Variants in CRISP1 observed in about 807,000 individuals in gnomAD.
CRISP1 encodes cysteine-rich secretory protein 1.
A neutral mutation model predicts 33.1 loss-of-function variants in CRISP1; 44 were observed. That is an observed-to-expected ratio of 1.33 (90% CI 1.05 to 1.71). The LOEUF is 1.71. Among genes scored for constraint, CRISP1 ranks in the 40% most tolerant of loss-of-function variants. The pLI is 0.00. For missense variants in CRISP1, 390 were observed against 301.2 expected (o/e 1.29, Z -2.18); for synonymous variants, 103 against 98.7 (o/e 1.04, Z -0.26).
intron 1 of CRISP1, among the ~76,000 whole-genome samples, chr6:49,864,172 T>A (rs1771733997): frequency 6.6e-6 from 1 of 152,190 alleles, no homozygotes; most frequent in African/African-American, 2.4e-5. Context: ...TTTTCACTAC[T>A]CATTATTATA....
chr6:49,842,451 T>A (rs1416086636), intron 5 of CRISP1, among the ~76,000 whole-genome samples: 1 of 152,070 alleles, frequency 6.6e-6, no homozygotes, highest in Non-Finnish European at 1.5e-5. Context: ...AAATGAAACT[T>A]TTTTCATTAG....
upstream of CRISP1, among the ~76,000 whole-genome samples, chr6:49,870,256 A>G (rs576358893): frequency 1.8e-4 from 27 of 152,340 alleles, no homozygotes; most frequent in African/African-American, 6.3e-4. Context: ...TGTGTCAGCT[A>G]GGATGCCAAC....
chr6:49,866,858 T>G (rs1318807303), upstream of CRISP1, among the ~76,000 whole-genome samples: 2 of 152,134 alleles, frequency 1.3e-5, no homozygotes, highest in African/African-American at 4.8e-5. Context: ...TAATTATTTA[T>G]TGAGGTCTTA....
At chr6:49,848,902 C>G (rs560829866) in intron 3 of CRISP1, among the ~76,000 whole-genome samples, 2 of 149,278 alleles carry the variant, frequency 1.3e-5, no homozygotes, top group South Asian at 2.1e-4. Flanking sequence ...CATGGCAACT[C>G]TACAAAAAAA....
chr6:49,848,547 G>A (rs1335898274), intron 3 of CRISP1, among the ~76,000 whole-genome samples: 1 of 152,152 alleles, frequency 6.6e-6, no homozygotes, highest in African/African-American at 2.4e-5. Flanking sequence ...TCTCTCAGAT[G>A]TAGTAGAGAA....
intron 5 of CRISP1, among the ~76,000 whole-genome samples, chr6:49,844,985 T>C (rs1014628202): frequency 2.0e-5 from 3 of 152,122 alleles, no homozygotes; most frequent in African/African-American, 7.2e-5. Flanking sequence ...AATTAAGAAT[T>C]TGAGGGCTCT....
intron 6 of CRISP1, 141 bp from the exon 7 acceptor site, chr6:49,838,666 G>A: frequency 1.7e-6 from 1 of 601,674 alleles, no homozygotes; most frequent in Non-Finnish European, 2.9e-6. Context: ...AGATGGGTGT[G>A]AGATTTCCAA....
chr6:49,874,467 AC>A (rs1339299552), intron 1 of CRISP1, among the ~76,000 whole-genome samples: 2 of 152,208 alleles, frequency 1.3e-5, no homozygotes, highest in South Asian at 4.1e-4. Flanking sequence ...GTTAGAAGTA[AC>A]TTTCCTCCTG....
chr6:49,876,046 G>T (rs1252367350), intron 1 of CRISP1, among the ~76,000 whole-genome samples: 1 of 151,986 alleles, frequency 6.6e-6, no homozygotes, highest in Admixed American at 6.6e-5. Flanking sequence ...ATAGACAAAT[G>T]GGATCTAATT....
intron 5 of CRISP1, among the ~76,000 whole-genome samples, chr6:49,845,893 TATTGTATGTTTCCAA>T (rs1402251054): frequency 6.6e-6 from 1 of 152,052 alleles, no homozygotes; most frequent in Non-Finnish European, 1.5e-5. Context: ...AAAGGACAAA[TATTGTATGTTTCCAA>T]ATTTATGAGG....
intron 5 of CRISP1, among the ~76,000 whole-genome samples, chr6:49,842,783 A>G (rs974054960): frequency 6.6e-6 from 1 of 152,164 alleles, no homozygotes; most frequent in African/African-American, 2.4e-5. Flanking sequence ...AGCTGTGTAA[A>G]GACCACTTGA....
chr6:49,855,577 T>C (rs1261057284), intron 2 of CRISP1, among the ~76,000 whole-genome samples: 1 of 152,158 alleles, frequency 6.6e-6, no homozygotes, highest in Non-Finnish European at 1.5e-5. Flanking sequence ...GTATACCGTG[T>C]GCTCAGATAA....
chr6:49,863,004 A>G (rs1299073215), intron 1 of CRISP1, among the ~76,000 whole-genome samples: 2 of 152,194 alleles, frequency 1.3e-5, no homozygotes, highest in Non-Finnish European at 2.9e-5. Context: ...CCCCAGAATT[A>G]TAATAGTACA....
intron 3 of CRISP1, among the ~76,000 whole-genome samples, chr6:49,849,852 A>G (rs1259656484): frequency 1.3e-5 from 2 of 151,876 alleles, no homozygotes; most frequent in African/African-American, 4.8e-5. Context: ...GGGTAAAACC[A>G]TGGTTTTGTA....
chr6:49,837,686 A>G (rs746982277), intron 7 of CRISP1, among the ~76,000 whole-genome samples: 1 of 152,150 alleles, frequency 6.6e-6, no homozygotes, highest in African/African-American at 2.4e-5. Context: ...GTGGCCTTTC[A>G]AGTCGGAGGT....
chr6:49,868,959 CCT>C (rs1217044138), upstream of CRISP1, among the ~76,000 whole-genome samples: 1 of 152,088 alleles, frequency 6.6e-6, no homozygotes, highest in Non-Finnish European at 1.5e-5. Flanking sequence ...AAATTTCCCC[CCT>C]CTTCTTCTAC....
upstream of CRISP1, among the ~76,000 whole-genome samples, chr6:49,870,922 G>T (rs1771908084): frequency 6.6e-6 from 1 of 151,988 alleles, no homozygotes; most frequent in Non-Finnish European, 1.5e-5. Flanking sequence ...TCAATGTGGT[G>T]AAACCCCATG....
Position 49,835,265 on chromosome 6 carries a change from G to A in CRISP1, c.*51C>T. The A allele has an allele frequency of 6.3e-7, 1 of 1,584,806 alleles. No homozygotes were observed. Among genetic ancestry groups the A allele is most frequent in the Non-Finnish European group, 8.6e-7 (1 of 1,163,380 alleles). On this transcript the variant is annotated 3_prime_UTR_variant, in exon 8 of 8. Coordinates refer to ENST00000335847, the MANE Select transcript of CRISP1 (RefSeq NM_001131.3). ...TATAGCAAAAGACATGAATCCAACA[G>A]ACATCTCCTCCTCATCGTCACAGCA...
At chr6:49,872,242 G>T (rs1436241605) in intron 1 of CRISP1, among the ~76,000 whole-genome samples, 1 of 151,490 alleles carries the variant, frequency 6.6e-6, no homozygotes, top group African/African-American at 2.4e-5. Flanking sequence ...CTTTTTGATG[G>T]GGTTGTTTGT....
Sources: allele counts gnomAD v4.1 joint callset (sites outside exome capture counted in the v4.1 genomes callset), GRCh38; gene constraint gnomAD v4.1.1; transcripts MANE v1.5; gene names NCBI Gene and HGNC (gene_info 2026-07-23, HGNC 2026-07-21).